LEPR: variants seen among roughly 807,000 people sequenced by gnomAD.
LEPR encodes OB receptor.
Under a neutral mutation model 114.7 loss-of-function variants are expected in LEPR, and 56 were observed. The observed-to-expected ratio is 0.49, with a 90% CI of 0.39 to 0.61. LEPR has a LOEUF of 0.61. Ranked by LOEUF, LEPR falls within the 20% of genes least tolerant of loss-of-function variation. The pLI is 0.00. For missense variants in LEPR, 1,202 were observed against 1,352.9 expected (o/e 0.89, Z 1.75); for synonymous variants, 443 against 461.4 (o/e 0.96, Z 0.51).
At chr1:65,526,653 C>G (rs1051557163) in intron 2 of LEPR, among the ~76,000 whole-genome samples, 1 of 152,026 alleles carries the variant, frequency 6.6e-6, no homozygotes, top group Admixed American at 6.6e-5. Flanking sequence ...ATCAGAAAAT[C>G]TGAGTTTTGG....
intron 18 of LEPR, among the ~76,000 whole-genome samples, chr1:65,622,581 A>G (rs1657953251): frequency 6.6e-6 from 1 of 152,218 alleles, no homozygotes; most frequent in African/African-American, 2.4e-5. Context: ...GGGCCACATC[A>G]AATGGAATTT....
At chr1:65,463,348 T>C (rs1169692347) in intron 2 of LEPR, among the ~76,000 whole-genome samples, 1 of 152,246 alleles carries the variant, frequency 6.6e-6, no homozygotes, top group African/African-American at 2.4e-5. Context: ...TGTGGTATTA[T>C]TTCTGAGGCC....
At chr1:65,625,085 A>C (rs1402635710) in intron 19 of LEPR, among the ~76,000 whole-genome samples, 2 of 152,160 alleles carry the variant, frequency 1.3e-5, no homozygotes, top group African/African-American at 2.4e-5. Flanking sequence ...GAATTTATAC[A>C]GTGACATTTT....
Position 65,633,053 on chromosome 1 carries a change from G to T in LEPR, c.2674-3138G>T. The stretch of plus-strand genomic sequence containing the variant: ...ACCTAACACAAAAATTTATAGTCCA[G>T]AACCCATGCTTGACAATGTTTTTTG... On this transcript the variant is annotated intron_variant, in intron 19 of 19. Coordinates refer to ENST00000349533, the MANE Select transcript of LEPR (RefSeq NM_002303.6). This position sits in a 1 kb window ranked among gnomAD's most constrained non-coding sequence, Gnocchi z 4.1. 1.0e-6 allele frequency: 1 copy of T among 980,456 alleles called. No homozygotes were observed. The highest frequency in any genetic ancestry group is 1.4e-5 in the South Asian group (1 of 72,462). 60.7% of individuals were successfully genotyped at this position (980,456 alleles called of 1,614,324 possible).
chr1:65,426,430 G>A (rs537308544), intron 2 of LEPR, among the ~76,000 whole-genome samples: 5 of 152,178 alleles, frequency 3.3e-5, no homozygotes, highest in African/African-American at 9.6e-5. Flanking sequence ...TCTTGAGAAT[G>A]GGTTTGGAGG....
At chr1:65,538,241 G>A (rs1364041715) in intron 2 of LEPR, among the ~76,000 whole-genome samples, 1 of 151,164 alleles carries the variant, frequency 6.6e-6, no homozygotes, top group South Asian at 2.1e-4. Context: ...TTTTTCCCTG[G>A]TGTTTATTCT....
chr1:65,558,609 T>A (rs1653059281), intron 2 of LEPR, among the ~76,000 whole-genome samples: 1 of 85,740 alleles, frequency 1.2e-5, no homozygotes, highest in South Asian at 5.3e-4. Flanking sequence ...GCAGGTTAGT[T>A]ACATATGTAT....
At chr1:65,602,649 C>T (rs925962651) in intron 10 of LEPR, among the ~76,000 whole-genome samples, 5 of 152,104 alleles carry the variant, frequency 3.3e-5, no homozygotes, top group Admixed American at 3.3e-4. Flanking sequence ...TGCTGTTAAA[C>T]ACTGTGTCCC....
At chr1:65,602,880 G>C (rs995704345) in intron 10 of LEPR, among the ~76,000 whole-genome samples, 3 of 152,048 alleles carry the variant, frequency 2.0e-5, no homozygotes, top group Non-Finnish European at 4.4e-5. Context: ...CCTAATATGA[G>C]TATTTTAAAA....
At chr1:65,474,646 A>C (rs1264405688) in intron 2 of LEPR, among the ~76,000 whole-genome samples, 4 of 152,084 alleles carry the variant, frequency 2.6e-5, no homozygotes, top group African/African-American at 9.7e-5. Context: ...TGTTTATTTC[A>C]TTTCCCAGTC....
chr1:65,530,018 G>A (rs2154381), intron 2 of LEPR, among the ~76,000 whole-genome samples: 102,809 of 152,064 alleles, frequency 0.68, 35,673 homozygotes, highest in Middle Eastern at 0.87. Context: ...CTCAAGCCTT[G>A]ACTGCTCCCT....
chr1:65,526,374 C>G, intron 2 of LEPR: 11 of 985,426 alleles, frequency 1.1e-5, no homozygotes, highest in South Asian at 4.7e-5. Flanking sequence ...AACCAAACCA[C>G]TTACTGAAAG....
At chr1:65,553,258 G>T (rs1003719357) in intron 2 of LEPR, among the ~76,000 whole-genome samples, 2 of 152,188 alleles carry the variant, frequency 1.3e-5, no homozygotes, top group East Asian at 3.9e-4. Flanking sequence ...TTGAATGTTG[G>T]CCTGTCTTAC....
At chr1:65,455,552 C>A (rs897872642) in intron 2 of LEPR, among the ~76,000 whole-genome samples, 3 of 152,200 alleles carry the variant, frequency 2.0e-5, no homozygotes, top group African/African-American at 7.2e-5. Context: ...TGTGAGGTGT[C>A]AGTCTGCCCC....
rs140972384 is a variant in LEPR, at chr1:65,437,026, C to T, written c.-21+11648C>T. The stretch of plus-strand genomic sequence containing the variant: ...TTGTATGCTTGTTCATCTGACAAAC[C>T]CAGAATTCTCCAGTACTTCCAACCA... On this transcript the variant is annotated intron_variant, in intron 2 of 19. Coordinates refer to ENST00000349533, the MANE Select transcript of LEPR (RefSeq NM_002303.6). 4.1e-3 allele frequency among the ~76,000 whole-genome samples: 628 copies of T among 152,256 alleles called. 4 individuals are homozygous for T. Among genetic ancestry groups the T allele is most frequent in the South Asian group, 0.029 (138 of 4,820 alleles).
intron 5 of LEPR, among the ~76,000 whole-genome samples, chr1:65,591,474 A>G (rs759751890): frequency 4.6e-5 from 7 of 152,010 alleles, no homozygotes; most frequent in Admixed American, 3.3e-4. Flanking sequence ...GGTTCTCTCA[A>G]TCTTTTGCTT....
rs765741085 is a variant in LEPR at position 65,443,951 on chromosome 1, CTT to C, written c.-21+18593_-21+18594del. 2.2e-4 allele frequency among the ~76,000 whole-genome samples: 19 copies of C among 84,714 alleles called. 4 individuals are homozygous for C. Among genetic ancestry groups the C allele is most frequent in the Admixed American group, 4.0e-4 (3 of 7,592 alleles). 55.6% of individuals were successfully genotyped at this position (84,714 alleles called of 152,430 possible). A position where few individuals can be genotyped will look rare whatever the true frequency, so the allele number is the denominator to read the frequency against. On this transcript the variant is annotated intron_variant, in intron 2 of 19. Coordinates refer to ENST00000349533, the MANE Select transcript of LEPR (RefSeq NM_002303.6). ...AGAAAAGGAGACTAAAGACCTGATA[CTT>C]TTTTTTTTTTTTTTTTTTTATACTC...
intron 2 of LEPR, among the ~76,000 whole-genome samples, chr1:65,547,755 C>T (rs1651886769): frequency 7.5e-6 from 1 of 133,964 alleles, no homozygotes; most frequent in Admixed American, 7.8e-5. Context: ...TTTCAAAAAA[C>T]CAGCTCCTGG....
At chr1:65,492,834 G>C (rs1278046103) in intron 2 of LEPR, among the ~76,000 whole-genome samples, 2 of 149,926 alleles carry the variant, frequency 1.3e-5, no homozygotes, top group South Asian at 2.1e-4. Flanking sequence ...TTCCAAAAAA[G>C]TGAATATTTA....
Sources: gnomAD v4.1 joint callset for allele counts (sites outside exome capture counted in the v4.1 genomes callset) on GRCh38, gnomAD v4.1.1 for gene constraint, Gnocchi (gnomAD v3.1) non-coding constraint, MANE v1.5 for transcripts, NCBI Gene and HGNC (gene_info 2026-07-23, HGNC 2026-07-21) for gene names.